Variants in GRIN2D observed in about 807,000 individuals in gnomAD.
The protein encoded by GRIN2D is glutamate receptor ionotropic, NMDA 2D.
GRIN2D carries 37 observed loss-of-function variants against 103.2 expected under a neutral mutation model. The ratio of observed to expected loss-of-function variants is 0.36; its 90% CI spans 0.28 to 0.47. The LOEUF is 0.47. GRIN2D is among the 20% of genes least tolerant of loss of function. GRIN2D has a pLI of 1.00. For missense variants in GRIN2D, 1,557 were observed against 1,910.6 expected (o/e 0.81, Z 3.45); for synonymous variants, 845 against 885.6 (o/e 0.95, Z 0.81).
chr19:48,418,664 A>G (rs276710), intron 8 of GRIN2D, among the ~76,000 whole-genome samples: 92,821 of 151,798 alleles, frequency 0.61, 29,595 homozygotes, highest in East Asian at 0.85. Flanking sequence ...GCGAGGGAGA[A>G]GGAGGGAGGA....
Position 48,415,033 on chromosome 19 carries a change from G to A in GRIN2D, c.1581+1G>A, listed in dbSNP as rs75776968. ...CGTCTGGAACGGCATGATCGGGGAGGTGAGGGGGCGGACGGGAGGCGGGGA... is the reference window on the plus strand; with the variant it reads ...CGTCTGGAACGGCATGATCGGGGAGATGAGGGGGCGGACGGGAGGCGGGGA... On this transcript the variant is annotated splice_donor_variant, in intron 7 of 13. Transcript: ENST00000263269. LOFTEE classifies it high-confidence loss of function. 6.3e-7 allele frequency: 1 copy of A among 1,578,878 alleles called. No individual in the cohort carries two copies. Among genetic ancestry groups the A allele is most frequent in the Non-Finnish European group, 8.6e-7 (1 of 1,158,730 alleles).
At position 48,441,599 on chromosome 19, in the gene GRIN2D, C is replaced by T. The variant is rs550969100; in HGVS notation, c.2253-170C>T. On this transcript the variant is annotated intron_variant, in intron 11 of 13. Coordinates refer to ENST00000263269, the MANE Select transcript of GRIN2D (RefSeq NM_000836.4). ...TGAAGGGAGATACTGCTGCCATGCC[C>T]ATTTTACTGATGTTGAAACTGAGGC... Among the ~76,000 whole-genome samples the T allele has an allele frequency of 9.8e-5, 15 of 152,296 alleles. No homozygotes were observed. The South Asian group carries it at 1.7e-3, about 17-fold the overall frequency.
chr19:48,422,335 G>A (rs917073256), intron 11 of GRIN2D, among the ~76,000 whole-genome samples: 6 of 152,116 alleles, frequency 3.9e-5, no homozygotes, highest in Admixed American at 1.3e-4. Flanking sequence ...CTAGTAAGCC[G>A]GGCACGGTGG....
chr19:48,416,208 C>G, intron 8 of GRIN2D, 53 bp downstream of exon 8: 1 of 1,539,032 alleles, frequency 6.5e-7, no homozygotes. Context: ...TAGCCGTCCC[C>G]AACCGTGTGG....
In GRIN2D at chr19:48,394,273, A is replaced by C. The variant is rs1970604738; in HGVS notation, c.-305-385A>C. On this transcript the variant is annotated intron_variant, in intron 1 of 13. Transcript: ENST00000263269. The surrounding 1 kb of genome is among the most constrained non-coding windows in gnomAD (Gnocchi z 5.1). ...AAGTGAGATCGTGCGTGTGTGCGTG[A>C]GTGTATGTGTGTTTCTGCCTGTGTT... is the stretch of plus-strand genomic sequence containing the variant. Among the ~76,000 whole-genome samples the C allele has an allele frequency of 6.6e-6, 1 of 150,898 alleles. No homozygotes were observed. The highest frequency in any genetic ancestry group is 1.5e-5 in the Non-Finnish European group (1 of 67,748).
chr19:48,432,883 C>T (rs1159825674), intron 11 of GRIN2D, among the ~76,000 whole-genome samples: 9 of 147,234 alleles, frequency 6.1e-5, no homozygotes, highest in East Asian at 2.1e-4. Flanking sequence ...CTCCACCTCC[C>T]GGGTTCAAGT....
At position 48,393,727 on chromosome 19, in the gene GRIN2D, G is replaced by C. The variant is rs1471237345; in HGVS notation, c.-447G>C. 6.6e-6 allele frequency among the ~76,000 whole-genome samples: 1 copy of C among 151,858 alleles called. No individual in the cohort carries two copies. Among genetic ancestry groups the C allele is most frequent in the Non-Finnish European group, 1.5e-5 (1 of 67,922 alleles). The stretch of plus-strand genomic sequence containing the variant: ...GAGTGTGTGAGTCCCTCCCGCTCCA[G>C]CTCCTCCAAGCCGCGGCCGCCGCCG... On this transcript the variant is annotated 5_prime_UTR_variant, in exon 1 of 14. Coordinates refer to ENST00000263269, the MANE Select transcript of GRIN2D (RefSeq NM_000836.4). The surrounding 1 kb of genome is among the most constrained non-coding windows in gnomAD (Gnocchi z 5.6).
chr19:48,399,232 G>T (rs1425538302), intron 3 of GRIN2D, among the ~76,000 whole-genome samples: 2 of 152,174 alleles, frequency 1.3e-5, no homozygotes, highest in East Asian at 3.9e-4. Flanking sequence ...AAATCTGAGG[G>T]AGGGGTGGGA....
chr19:48,444,039 T>A lies in GRIN2D; in HGVS notation c.*102T>A. The stretch of plus-strand genomic sequence containing the variant: ...CCGCGTGGGTTGGGAAGGAAAGCAG[T>A]GGAACTGGCCGGACCCCGCCTGGAG... On this transcript the variant is annotated 3_prime_UTR_variant, in exon 14 of 14. Transcript: ENST00000263269. This position sits in a 1 kb window ranked among gnomAD's most constrained non-coding sequence, Gnocchi z 5.5. The A allele has an allele frequency of 1.3e-6, 1 of 780,196 alleles. No individual in the cohort carries two copies. The highest frequency in any genetic ancestry group is 1.8e-6 in the Non-Finnish European group (1 of 548,906). The allele number at this position is 780,196 out of a possible 1,614,324, so 48.3% of individuals were successfully genotyped here.
chr19:48,409,599 G>C (rs1970831121), intron 4 of GRIN2D, among the ~76,000 whole-genome samples: 1 of 151,874 alleles, frequency 6.6e-6, no homozygotes, highest in Admixed American at 6.6e-5. Context: ...ATGAGTTTTG[G>C]AGCGGACAGA....
intron 12 of GRIN2D, 33 bp downstream of exon 12, chr19:48,441,989 GA>G (rs1485507484): frequency 5.1e-6 from 8 of 1,578,542 alleles, no homozygotes; most frequent in Non-Finnish European, 6.9e-6. Flanking sequence ...CCACAGCGGA[GA>G]GGGGGAGGGC....
chr19:48,396,112 T>C (rs2147431232), intron 2 of GRIN2D, among the ~76,000 whole-genome samples: 1 of 152,152 alleles, frequency 6.6e-6, no homozygotes, highest in East Asian at 1.9e-4. Flanking sequence ...GAGATGAGTG[T>C]TGGGGACTTT....
At chr19:48,399,922 A>C (rs923503801) in intron 3 of GRIN2D, among the ~76,000 whole-genome samples, 1 of 151,012 alleles carries the variant, frequency 6.6e-6, no homozygotes, top group African/African-American at 2.4e-5. Flanking sequence ...ACTCTAATAA[A>C]GGGGTGGGTC....
At chr19:48,422,109 C>T (rs975177322) in intron 11 of GRIN2D, among the ~76,000 whole-genome samples, 164 bp downstream of exon 11, 4 of 152,152 alleles carry the variant, frequency 2.6e-5, no homozygotes, top group Admixed American at 2.6e-4. Context: ...GACTCCTCCT[C>T]CCAGGAGCAG....
chr19:48,424,265 ATT>A (rs569050730), intron 11 of GRIN2D, among the ~76,000 whole-genome samples: 53 of 101,350 alleles, frequency 5.2e-4, no homozygotes, highest in African/African-American at 1.5e-3. Context: ...AAAAAAAAAA[ATT>A]TTTTTTTTTT....
intron 11 of GRIN2D, among the ~76,000 whole-genome samples, chr19:48,427,472 C>CTTTT (rs1038381293): frequency 1.7e-3 from 138 of 83,264 alleles, no homozygotes; most frequent in African/African-American, 2.5e-3. Flanking sequence ...ATCTTCTTTT[C>CTTTT]TTTTTTTTTT....
chr19:48,419,509 TTC>T (rs1970990266), intron 9 of GRIN2D, 74 bp from the exon 10 acceptor site: 1 of 1,378,274 alleles, frequency 7.3e-7, no homozygotes, highest in South Asian at 1.3e-5. Flanking sequence ...GGAATTGTAG[TTC>T]TTTCTTTTTT....
At chr19:48,398,206 C>G (rs1266110197) in intron 2 of GRIN2D, among the ~76,000 whole-genome samples, 161 bp from the exon 3 acceptor site, 1 of 151,824 alleles carries the variant, frequency 6.6e-6, no homozygotes, top group African/African-American at 2.4e-5. Context: ...CCTGTCTCTC[C>G]CTCTGTTCCA....
intron 3 of GRIN2D, among the ~76,000 whole-genome samples, chr19:48,399,655 T>G (rs1010868412): frequency 7.9e-5 from 12 of 152,200 alleles, no homozygotes; most frequent in African/African-American, 2.9e-4. Context: ...AGGTATCAGG[T>G]ACCAAGGACA....
Sources: gnomAD v4.1 joint callset for allele counts (sites outside exome capture counted in the v4.1 genomes callset) on GRCh38, gnomAD v4.1.1 for gene constraint, Gnocchi (gnomAD v3.1) non-coding constraint, MANE v1.5 for transcripts, NCBI Gene and HGNC (gene_info 2026-07-23, HGNC 2026-07-21) for gene names.